The following RNF24 variants were observed in gnomAD, a reference collection of about 807,000 sequenced individuals.
The protein encoded by RNF24 is ring finger protein 24.
Under a neutral mutation model 20.0 loss-of-function variants are expected in RNF24, and 14 were observed. The ratio of observed to expected loss-of-function variants is 0.70; its 90% CI spans 0.46 to 1.10. The LOEUF (loss-of-function observed/expected upper bound fraction) is 1.10, where lower values mean the gene tolerates loss of function less well. RNF24 is among the 50% of genes least tolerant of loss of function. The probability of loss-of-function intolerance (pLI) is 0.00; values close to 1 mark genes in which losing one functional copy is unlikely to be tolerated. For synonymous variants in RNF24, 45 were observed against 61.1 expected, an observed-to-expected ratio of 0.74 and a Z score of 1.23; for missense variants, 124 against 177.6, an observed-to-expected ratio of 0.70 and a Z score of 1.71.
At chr20:4,012,946 C>T (rs946681462) in intron 1 of RNF24, among the ~76,000 whole-genome samples, 7 of 151,850 alleles carry the variant, frequency 4.6e-5, no homozygotes, top group African/African-American at 1.7e-4. Context: ...GCAGTCAAGA[C>T]AGGCAGTTTA....
chr20:3,990,838 T>A (rs1261179757), intron 1 of RNF24, among the ~76,000 whole-genome samples: 2 of 151,818 alleles, frequency 1.3e-5, no homozygotes, highest in African/African-American at 2.4e-5. Flanking sequence ...ATCACATCAC[T>A]GCATCCCAGC....
intron 4 of RNF24, among the ~76,000 whole-genome samples, chr20:3,940,417 A>G (rs1358927167): frequency 3.0e-5 from 1 of 32,898 alleles, no homozygotes; most frequent in East Asian, 4.0e-4. Flanking sequence ...AAAATTACTG[A>G]AAAAAAAAAA....
intron 1 of RNF24, among the ~76,000 whole-genome samples, chr20:3,992,027 G>A (rs1164381867): frequency 6.6e-6 from 1 of 152,022 alleles, no homozygotes; most frequent in African/African-American, 2.4e-5. Context: ...CTCCTTGAGC[G>A]CAGAATTACA....
chr20:3,983,099 G>A (rs1979565546), intron 1 of RNF24, among the ~76,000 whole-genome samples: 1 of 152,142 alleles, frequency 6.6e-6, no homozygotes, highest in Admixed American at 6.5e-5. Flanking sequence ...CCAGATGCCA[G>A]TATCTTGATC....
chr20:3,983,940 C>CTAAA (rs1979652239), intron 1 of RNF24, among the ~76,000 whole-genome samples: 1 of 65,666 alleles, frequency 1.5e-5, no homozygotes, highest in African/African-American at 6.2e-5. Flanking sequence ...GACTTGGTCT[C>CTAAA]AAAAAAAAAA....
intron 1 of RNF24, chr20:4,015,193 G>A (rs1213670961): frequency 6.6e-6 from 1 of 152,426 alleles, no homozygotes; most frequent in Non-Finnish European, 1.5e-5. Flanking sequence ...CCTTTGTGAG[G>A]GACTCACCCT....
intron 4 of RNF24, among the ~76,000 whole-genome samples, chr20:3,940,416 G>GAAAA (rs35857615): frequency 7.0e-6 from 1 of 142,836 alleles, no homozygotes; most frequent in Non-Finnish European, 1.5e-5. Context: ...AAAAATTACT[G>GAAAA]AAAAAAAAAA....
intron 1 of RNF24, among the ~76,000 whole-genome samples, chr20:3,999,360 G>C (rs1201977633): frequency 6.6e-6 from 1 of 152,130 alleles, no homozygotes; most frequent in Non-Finnish European, 1.5e-5. Context: ...TTCTACACTA[G>C]AACACCATTC....
chr20:4,007,738 CAAAAAAA>C (rs1161702317), intron 1 of RNF24, among the ~76,000 whole-genome samples: 6 of 56,328 alleles, frequency 1.1e-4, no homozygotes, highest in Admixed American at 2.0e-4. Flanking sequence ...CCTGTCTCTA[CAAAAAAA>C]AAAAAAAAAA....
intron 4 of RNF24, among the ~76,000 whole-genome samples, chr20:3,940,949 A>G (rs1230243323): frequency 6.6e-6 from 1 of 152,230 alleles, no homozygotes; most frequent in Non-Finnish European, 1.5e-5. Flanking sequence ...CATAAGAAGG[A>G]AACTTGAAAC....
At chr20:3,970,910 G>A (rs1189072248) in intron 1 of RNF24, among the ~76,000 whole-genome samples, 5 of 152,076 alleles carry the variant, frequency 3.3e-5, no homozygotes, top group African/African-American at 1.2e-4. Flanking sequence ...TCCAGGCATG[G>A]TGGTGGGCAC....
chr20:3,972,190 A>G (rs1213297896), intron 1 of RNF24, among the ~76,000 whole-genome samples: 2 of 152,238 alleles, frequency 1.3e-5, no homozygotes, highest in Non-Finnish European at 2.9e-5. Context: ...AAAGAAATCT[A>G]TAATTATACT....
At chr20:3,963,114 T>A in intron 2 of RNF24, among the ~76,000 whole-genome samples, 1 of 152,212 alleles carries the variant, frequency 6.6e-6, no homozygotes, top group South Asian at 2.1e-4. Context: ...TCTCAAGTAT[T>A]TAATTAATTT....
intron 2 of RNF24, among the ~76,000 whole-genome samples, chr20:3,960,479 C>T (rs939818035): frequency 1.3e-5 from 2 of 152,006 alleles, no homozygotes; most frequent in African/African-American, 4.8e-5. Flanking sequence ...AACATCCTGG[C>T]CAACATGGTG....
intron 3 of RNF24, 61 bp from the exon 4 acceptor site, chr20:3,945,279 A>G: frequency 6.9e-7 from 1 of 1,452,518 alleles, no homozygotes; most frequent in Non-Finnish European, 9.3e-7. Flanking sequence ...AATATTTCTC[A>G]TTATATTCTC....
chr20:3,972,664 G>A lies in RNF24; in HGVS notation c.-7-8640C>T, dbSNP rs538724065. 3.3e-3 allele frequency among the ~76,000 whole-genome samples: 510 copies of A among 152,278 alleles called. 3 individuals are homozygous for A. Among genetic ancestry groups the A allele is most frequent in the African/African-American group, 0.011 (465 of 41,554 alleles). ...GCTTATAATCCCAGCACTGTGGAGG[G>A]CCGAGGCGGGCAGATCACCTGAGGT... is the stretch of plus-strand genomic sequence containing the variant. On this transcript the variant is annotated intron_variant, in intron 1 of 5. Coordinates refer to ENST00000358395, the MANE Select transcript of RNF24 (RefSeq NM_001134337.3).
At chr20:3,935,208 A>C in intron 4 of RNF24, 135 bp from the exon 5 acceptor site, 1 of 611,454 alleles carries the variant, frequency 1.6e-6, no homozygotes. Context: ...AAAAGAAATG[A>C]ATGAATAAAT....
At chr20:3,984,693 C>T (rs1025417040) in intron 1 of RNF24, among the ~76,000 whole-genome samples, 5 of 152,084 alleles carry the variant, frequency 3.3e-5, no homozygotes, top group African/African-American at 7.2e-5. Flanking sequence ...GCTGGTGTTC[C>T]GTAAACATTT....
At chr20:3,985,047 AACAACC>A (rs1228463568) in intron 1 of RNF24, among the ~76,000 whole-genome samples, 1 of 148,294 alleles carries the variant, frequency 6.7e-6, no homozygotes, top group African/African-American at 2.5e-5. Context: ...GGGGAACAAC[AACAACC>A]ACAACAACAA....
Sources: gnomAD v4.1 joint callset for allele counts (sites outside exome capture counted in the v4.1 genomes callset) on GRCh38, gnomAD v4.1.1 for gene constraint, MANE v1.5 for transcripts, NCBI Gene and HGNC (gene_info 2026-07-23, HGNC 2026-07-21) for gene names.